FGGY: variants seen among roughly 807,000 people sequenced by gnomAD.
FGGY encodes the protein FGGY carbohydrate kinase domain containing.
Under a neutral mutation model 71.3 loss-of-function variants are expected in FGGY, and 72 were observed. That is an observed-to-expected ratio of 1.01 (90% CI 0.84 to 1.23). FGGY has a LOEUF of 1.23. Among genes scored for constraint, FGGY ranks in the 50% most tolerant of loss-of-function variants. The probability of loss-of-function intolerance (pLI) is 0.00; values close to 1 mark genes in which losing one functional copy is unlikely to be tolerated. For missense variants in FGGY, 668 were observed against 682.3 expected (o/e 0.98, Z 0.23); for synonymous variants, 251 against 250.3 (o/e 1.00, Z -0.02).
chr1:59,562,802 G>A (rs2095813316), intron 8 of FGGY, among the ~76,000 whole-genome samples: 1 of 152,116 alleles, frequency 6.6e-6, no homozygotes. Context: ...GGAAAGATTT[G>A]GGTATGTTTA....
At chr1:59,620,941 C>T (rs2096800729) in intron 9 of FGGY, among the ~76,000 whole-genome samples, 1 of 152,004 alleles carries the variant, frequency 6.6e-6, no homozygotes, top group South Asian at 2.1e-4. Context: ...TAACAAAATA[C>T]CACAGGTTGG....
At chr1:59,352,641 T>A (rs1297220373) in intron 4 of FGGY, among the ~76,000 whole-genome samples, 1 of 152,174 alleles carries the variant, frequency 6.6e-6, no homozygotes, top group Non-Finnish European at 1.5e-5. Flanking sequence ...GTTTGATAAC[T>A]TCCTGCTAGC....
At chr1:59,643,363 A>T (rs2097057272) in intron 11 of FGGY, among the ~76,000 whole-genome samples, 1 of 152,004 alleles carries the variant, frequency 6.6e-6, no homozygotes, top group South Asian at 2.1e-4. Flanking sequence ...GCTAATTTTT[A>T]AAATATTTTT....
intron 13 of FGGY, among the ~76,000 whole-genome samples, chr1:59,667,620 A>G (rs1026495676): frequency 6.6e-6 from 1 of 152,224 alleles, no homozygotes; most frequent in Non-Finnish European, 1.5e-5. Context: ...CAACCATTGA[A>G]TAATGGTGAG....
At chr1:59,313,737 TA>T (rs2044826973) in intron 1 of FGGY, among the ~76,000 whole-genome samples, 1 of 152,142 alleles carries the variant, frequency 6.6e-6, no homozygotes, top group African/African-American at 2.4e-5. Flanking sequence ...TTCTCACTCA[TA>T]AGTGGGAGCT....
intron 14 of FGGY, among the ~76,000 whole-genome samples, chr1:59,732,085 G>T (rs1205319416): frequency 6.6e-6 from 1 of 152,146 alleles, no homozygotes; most frequent in Non-Finnish European, 1.5e-5. Flanking sequence ...TAAATGAATT[G>T]CTGAGTTGCC....
intron 9 of FGGY, among the ~76,000 whole-genome samples, chr1:59,614,921 A>G (rs2096734237): frequency 6.6e-6 from 1 of 152,250 alleles, no homozygotes; most frequent in Non-Finnish European, 1.5e-5. Context: ...AGAATAAAAT[A>G]CCTAGGAATC....
At chr1:59,493,096 AACACACACAC>A (rs3035371) in intron 6 of FGGY, among the ~76,000 whole-genome samples, 4 of 143,024 alleles carry the variant, frequency 2.8e-5, no homozygotes, top group East Asian at 2.1e-4. Context: ...TACCAAACAA[AACACACACAC>A]ACACACACAC....
At chr1:59,760,387 A>G (rs939220635) in intron 15 of FGGY, among the ~76,000 whole-genome samples, 2 of 152,246 alleles carry the variant, frequency 1.3e-5, no homozygotes, top group African/African-American at 4.8e-5. Context: ...CACTATGGCC[A>G]TTCTTCAAGA....
chr1:59,315,555 C>T (rs2045290084), intron 1 of FGGY: 2 of 152,084 alleles, frequency 1.3e-5, no homozygotes, highest in African/African-American at 4.8e-5. Flanking sequence ...TAGTGTTAGA[C>T]ATCAGTGATG....
chr1:59,613,020 A>C (rs1325897381), intron 9 of FGGY, among the ~76,000 whole-genome samples: 1 of 152,204 alleles, frequency 6.6e-6, no homozygotes, highest in Non-Finnish European at 1.5e-5. Flanking sequence ...AACTACAAAG[A>C]GACTTAGACT....
intron 9 of FGGY, among the ~76,000 whole-genome samples, chr1:59,612,602 A>C (rs911594063): frequency 3.3e-5 from 5 of 152,224 alleles, no homozygotes; most frequent in African/African-American, 1.2e-4. Context: ...CAGGCAAAAT[A>C]ACCAGCTAAC....
chr1:59,653,473 C>T lies in FGGY; in HGVS notation c.1222-6746C>T, dbSNP rs530225235. ...TCTCGTGGTTCGCCGTTTTTTAAGC[C>T]GGTCTGAAAAGCGCAATATTCGGGT... On this transcript the variant is annotated intron_variant, in intron 11 of 15. Coordinates refer to ENST00000303721, the MANE Select transcript of FGGY (RefSeq NM_018291.5). Among the ~76,000 whole-genome samples the T allele has an allele frequency of 2.7e-3, 411 of 151,994 alleles. 4 individuals carry two copies. Among genetic ancestry groups the T allele is most frequent in the African/African-American group, 9.4e-3 (387 of 41,296 alleles).
intron 2 of FGGY, among the ~76,000 whole-genome samples, chr1:59,329,596 C>G (rs1047382587): frequency 2.6e-5 from 4 of 152,230 alleles, no homozygotes; most frequent in Non-Finnish European, 5.9e-5. Context: ...CTTCTCCTGG[C>G]TCTCTGCATT....
intron 7 of FGGY, among the ~76,000 whole-genome samples, chr1:59,537,200 A>G (rs2095341157): frequency 6.6e-6 from 1 of 151,704 alleles, no homozygotes; most frequent in Non-Finnish European, 1.5e-5. Flanking sequence ...TTATACACCA[A>G]TAACAGACAA....
chr1:59,627,528 G>T (rs2096871171), intron 10 of FGGY, among the ~76,000 whole-genome samples: 1 of 121,432 alleles, frequency 8.2e-6, no homozygotes, highest in African/African-American at 3.0e-5. Context: ...ATAAATATAA[G>T]TAAATATAGA....
At chr1:59,516,134 G>A (rs1028813944) in intron 7 of FGGY, among the ~76,000 whole-genome samples, 1 of 152,098 alleles carries the variant, frequency 6.6e-6, no homozygotes, top group Non-Finnish European at 1.5e-5. Context: ...TCACCTTACA[G>A]CCAATCCAAG....
At chr1:59,439,780 A>G (rs1377576977) in intron 5 of FGGY, among the ~76,000 whole-genome samples, 2 of 152,082 alleles carry the variant, frequency 1.3e-5, no homozygotes. Flanking sequence ...TTTCCTTTCC[A>G]TCTGACATTC....
At chr1:59,496,105 C>T (rs986763360) in intron 6 of FGGY, among the ~76,000 whole-genome samples, 48 of 152,186 alleles carry the variant, frequency 3.2e-4, no homozygotes, top group Admixed American at 2.7e-3. Flanking sequence ...TTGATTCCTC[C>T]TTTCCATGAG....
Sources: allele counts gnomAD v4.1 joint callset (sites outside exome capture counted in the v4.1 genomes callset), GRCh38; gene constraint gnomAD v4.1.1; transcripts MANE v1.5; gene names NCBI Gene and HGNC (gene_info 2026-07-23, HGNC 2026-07-21).